Variants in PUM1 observed in about 807,000 individuals in gnomAD.
PUM1 encodes the protein pumilio RNA binding family member 1.
PUM1 carries 13 observed loss-of-function variants against 131.8 expected under a neutral mutation model. The ratio of observed to expected loss-of-function variants is 0.10; its 90% CI spans 0.06 to 0.16. The LOEUF (loss-of-function observed/expected upper bound fraction) is 0.16. PUM1 is among the 10% of genes least tolerant of loss of function. The pLI, the probability that PUM1 is intolerant of heterozygous loss-of-function variation, is 1.00. For missense variants in PUM1, 961 were observed against 1,512.4 expected (o/e 0.64, Z 6.05); for synonymous variants, 509 against 556.5 (o/e 0.91, Z 1.20).
intron 7 of PUM1, among the ~76,000 whole-genome samples, chr1:30,981,680 T>TCACACA (rs5773330): frequency 0.078 from 11,771 of 150,908 alleles, 618 homozygotes; most frequent in South Asian, 0.14. Flanking sequence ...ACACACTCTC[T>TCACACA]CACACACACA....
intron 7 of PUM1, among the ~76,000 whole-genome samples, chr1:30,988,655 C>T (rs1482600623): frequency 6.6e-6 from 1 of 152,200 alleles, no homozygotes; most frequent in African/African-American, 2.4e-5. Flanking sequence ...AGACTTCCAG[C>T]TGGTTCTCAA....
At chr1:31,038,350 G>A (rs1331181198) in intron 2 of PUM1, among the ~76,000 whole-genome samples, 1 of 152,100 alleles carries the variant, frequency 6.6e-6, no homozygotes, top group African/African-American at 2.4e-5. Flanking sequence ...TTCTCTAGTT[G>A]ATTTGCTCTC....
Position 31,040,794 on chromosome 1 carries a change from A to G in PUM1, c.364-11930T>C, listed in dbSNP as rs548634737. 9.2e-5 allele frequency among the ~76,000 whole-genome samples: 14 copies of G among 152,228 alleles called. No homozygotes were observed. The South Asian group carries it at 2.5e-3, about 27-fold the overall frequency. ...AATTTATTTTATCTTTAAAAAAAAA[A>G]TAACATGAAAGGTCTCCTATGCTAT... On this transcript the variant is annotated intron_variant, in intron 2 of 21. Transcript: ENST00000426105.
intron 3 of PUM1, among the ~76,000 whole-genome samples, chr1:31,017,975 G>T (rs1053341175): frequency 3.9e-5 from 6 of 152,198 alleles, no homozygotes; most frequent in Admixed American, 3.3e-4. Context: ...GTAAGAAAAG[G>T]AACTGTGGAA....
At chr1:30,943,133 T>C (rs1470623573) in intron 18 of PUM1, among the ~76,000 whole-genome samples, 1 of 152,236 alleles carries the variant, frequency 6.6e-6, no homozygotes, top group Non-Finnish European at 1.5e-5. Context: ...TCTCCTTGAA[T>C]TTAGCTTTAT....
chr1:31,009,782 A>ACAAAAAAAAAC (rs1553150212), intron 3 of PUM1, among the ~76,000 whole-genome samples: 1,429 of 125,250 alleles, frequency 0.011, 25 homozygotes, highest in South Asian at 0.02. Context: ...AAAAAAAAAA[A>ACAAAAAAAAAC]AAAAACAAAA....
intron 2 of PUM1, among the ~76,000 whole-genome samples, chr1:31,031,120 G>A (rs1291833552): frequency 6.6e-6 from 1 of 150,760 alleles, no homozygotes; most frequent in Non-Finnish European, 1.5e-5. Flanking sequence ...AAGGAGGGTA[G>A]GGAGGATGAA....
chr1:31,013,210 T>A (rs1642685490), intron 3 of PUM1, among the ~76,000 whole-genome samples: 1 of 152,178 alleles, frequency 6.6e-6, no homozygotes, highest in Admixed American at 6.5e-5. Flanking sequence ...ACAAGAACCA[T>A]GATTACGGCT....
At chr1:31,060,388 A>G (rs7524719) in intron 1 of PUM1, among the ~76,000 whole-genome samples, 43,271 of 151,452 alleles carry the variant, frequency 0.29, 8,000 homozygotes, top group East Asian at 0.53. Context: ...TTGAATCCAG[A>G]AGGCAAAGGT....
chr1:30,941,307 G>A, intron 19 of PUM1, 35 bp from the exon 20 acceptor site: 1 of 1,592,784 alleles, frequency 6.3e-7, no homozygotes, highest in Non-Finnish European at 8.6e-7. Flanking sequence ...TAAAATGTAT[G>A]TGAAAGCCAG....
At chr1:31,014,149 A>C (rs565864607) in intron 3 of PUM1, among the ~76,000 whole-genome samples, 1 of 151,838 alleles carries the variant, frequency 6.6e-6, no homozygotes, top group Non-Finnish European at 1.5e-5. Context: ...AAACTTAAAA[A>C]AGCCAAGTGT....
At chr1:30,950,410 C>T in intron 16 of PUM1, 149 bp from the exon 17 acceptor site, 1 of 766,238 alleles carries the variant, frequency 1.3e-6, no homozygotes, top group South Asian at 2.8e-5. Flanking sequence ...TTTAAAGAGC[C>T]ATTGCTTCTT....
At chr1:30,955,878 GT>G (rs1640143716) in intron 14 of PUM1, among the ~76,000 whole-genome samples, 1 of 152,196 alleles carries the variant, frequency 6.6e-6, no homozygotes, top group African/African-American at 2.4e-5. Flanking sequence ...TATTTACTTA[GT>G]ATTTGTCCTA....
chr1:30,955,263 G>A (rs966675081), intron 14 of PUM1, among the ~76,000 whole-genome samples: 2 of 150,282 alleles, frequency 1.3e-5, no homozygotes, highest in African/African-American at 4.9e-5. Flanking sequence ...AGACCATCCT[G>A]GCTAACACGG....
intron 21 of PUM1, among the ~76,000 whole-genome samples, chr1:30,936,078 C>A (rs1639195689): frequency 6.9e-6 from 1 of 145,658 alleles, no homozygotes; most frequent in African/African-American, 2.5e-5. Flanking sequence ...TCTTCTTTAG[C>A]CTTGCCTTCT....
At chr1:30,975,348 TTTTTTTTG>T (rs1247685616) in intron 9 of PUM1, among the ~76,000 whole-genome samples, 5 of 117,450 alleles carry the variant, frequency 4.3e-5, no homozygotes, top group African/African-American at 6.7e-5. Flanking sequence ...TTACTGTTTG[TTTTTTTTG>T]TTTTTTTGTT....
chr1:30,970,117 C>A (rs1291490302), intron 10 of PUM1, among the ~76,000 whole-genome samples: 1 of 152,224 alleles, frequency 6.6e-6, no homozygotes, highest in Non-Finnish European at 1.5e-5. Context: ...ACTACAGTTC[C>A]TAACAATGTG....
intron 2 of PUM1, among the ~76,000 whole-genome samples, chr1:31,046,866 C>T (rs1643981267): frequency 6.6e-6 from 1 of 152,014 alleles, no homozygotes; most frequent in African/African-American, 2.4e-5. Context: ...CAATCACTGA[C>T]CCCACCACTT....
intron 20 of PUM1, among the ~76,000 whole-genome samples, chr1:30,940,746 C>T (rs1201620798): frequency 6.6e-6 from 1 of 152,102 alleles, no homozygotes; most frequent in African/African-American, 2.4e-5. Context: ...TGAGCTTGCA[C>T]AATATGAAGA....
Sources: gnomAD v4.1 joint callset for allele counts (sites outside exome capture counted in the v4.1 genomes callset) on GRCh38, gnomAD v4.1.1 for gene constraint, MANE v1.5 for transcripts, NCBI Gene and HGNC (gene_info 2026-07-23, HGNC 2026-07-21) for gene names.